The following CNTNAP2 variants were observed in gnomAD, a reference collection of about 807,000 sequenced individuals.
The protein encoded by CNTNAP2 is contactin-associated protein-like 2.
Under a neutral mutation model 155.2 loss-of-function variants are expected in CNTNAP2, and 98 were observed. The ratio of observed to expected loss-of-function variants is 0.63; its 90% CI spans 0.54 to 0.75. The LOEUF (loss-of-function observed/expected upper bound fraction) is 0.75, where lower values mean the gene tolerates loss of function less well. Among genes scored for constraint, CNTNAP2 ranks in the 30% least tolerant of loss-of-function variants. The pLI, the probability that CNTNAP2 is intolerant of heterozygous loss-of-function variation, is 0.00. For missense variants in CNTNAP2, 1,727 were observed against 1,688.1 expected (o/e 1.02, Z -0.40); for synonymous variants, 651 against 631.2 (o/e 1.03, Z -0.47).
intron 1 of CNTNAP2, among the ~76,000 whole-genome samples, chr7:146,361,262 A>T (rs982906752): frequency 2.0e-5 from 3 of 152,092 alleles, no homozygotes; most frequent in Admixed American, 6.6e-5. Flanking sequence ...TCTTCTCAGG[A>T]TGCAAAATTT....
intron 13 of CNTNAP2, among the ~76,000 whole-genome samples, chr7:147,839,403 G>A (rs530610958): frequency 1.3e-5 from 2 of 152,220 alleles, no homozygotes; most frequent in Admixed American, 6.5e-5. Flanking sequence ...AGAAAAAGAA[G>A]ATAACAAGAA....
intron 13 of CNTNAP2, among the ~76,000 whole-genome samples, chr7:147,839,955 C>CAT (rs1554440779): frequency 1.3e-5 from 2 of 150,780 alleles, no homozygotes; most frequent in African/African-American, 2.4e-5. Flanking sequence ...CACACACACA[C>CAT]ATATATATAC....
chr7:147,856,474 C>T (rs982719004), intron 13 of CNTNAP2, among the ~76,000 whole-genome samples: 5 of 152,132 alleles, frequency 3.3e-5, no homozygotes, highest in South Asian at 4.1e-4. Context: ...AACTTGCACA[C>T]GAATCCTCCT....
intron 16 of CNTNAP2, among the ~76,000 whole-genome samples, chr7:148,125,176 C>T (rs1458466117): frequency 6.6e-6 from 1 of 151,902 alleles, no homozygotes; most frequent in African/African-American, 2.4e-5. Context: ...TGGCCCCATC[C>T]CAGAGGCACA....
At chr7:148,282,863 A>G (rs1796997363) in intron 21 of CNTNAP2, among the ~76,000 whole-genome samples, 1 of 152,186 alleles carries the variant, frequency 6.6e-6, no homozygotes. Context: ...TTCTGTCCCA[A>G]ATCTTCAACT....
At chr7:146,627,878 A>G (rs1158736815) in intron 1 of CNTNAP2, among the ~76,000 whole-genome samples, 1 of 152,118 alleles carries the variant, frequency 6.6e-6, no homozygotes, top group Non-Finnish European at 1.5e-5. Context: ...CTTCTTTTAT[A>G]TAACTCAGTT....
At chr7:147,733,565 G>T (rs1393723260) in intron 13 of CNTNAP2, among the ~76,000 whole-genome samples, 5 of 152,170 alleles carry the variant, frequency 3.3e-5, no homozygotes, top group African/African-American at 4.8e-5. Context: ...GAAAGTCATT[G>T]GTTGCTTGAT....
At chr7:146,590,761 T>G (rs533790042) in intron 1 of CNTNAP2, among the ~76,000 whole-genome samples, 1 of 152,154 alleles carries the variant, frequency 6.6e-6, no homozygotes, top group African/African-American at 2.4e-5. Flanking sequence ...GGTTTCCCCA[T>G]GCAATCACGC....
intron 9 of CNTNAP2, among the ~76,000 whole-genome samples, chr7:147,373,993 T>C (rs529522430): frequency 1.3e-5 from 2 of 152,158 alleles, no homozygotes; most frequent in South Asian, 2.1e-4. Flanking sequence ...CAAATCCCTT[T>C]GTTTTATGTG....
intron 18 of CNTNAP2, among the ~76,000 whole-genome samples, chr7:148,209,960 C>A (rs754249167): frequency 6.6e-6 from 1 of 152,172 alleles, no homozygotes; most frequent in Admixed American, 6.5e-5. Context: ...ACTTTCCCTA[C>A]CCCCGTTACC....
intron 8 of CNTNAP2, among the ~76,000 whole-genome samples, chr7:147,189,446 GT>G (rs1187442178): frequency 1.3e-5 from 2 of 152,076 alleles, no homozygotes; most frequent in East Asian, 1.9e-4. Context: ...TACAGATAGG[GT>G]AATACTCTGT....
At chr7:147,326,200 A>AG (rs1440959410) in intron 9 of CNTNAP2, among the ~76,000 whole-genome samples, 3 of 152,222 alleles carry the variant, frequency 2.0e-5, no homozygotes, top group African/African-American at 7.2e-5. Context: ...CTGGGATTAC[A>AG]GGCGTTAGCC....
intron 1 of CNTNAP2, among the ~76,000 whole-genome samples, chr7:146,147,140 T>C (rs1797969166): frequency 1.3e-5 from 2 of 152,186 alleles, no homozygotes; most frequent in African/African-American, 4.8e-5. Flanking sequence ...TTGCCAGGAA[T>C]TCTTCTTTGC....
chr7:147,493,186 A>C (rs1415482993), intron 11 of CNTNAP2, among the ~76,000 whole-genome samples: 8 of 152,206 alleles, frequency 5.3e-5, no homozygotes, highest in Admixed American at 5.2e-4. Flanking sequence ...AGACCATAGG[A>C]TATCTCAGTA....
intron 1 of CNTNAP2, among the ~76,000 whole-genome samples, chr7:146,478,456 T>C (rs903384555): frequency 1.3e-5 from 2 of 152,082 alleles, no homozygotes. Context: ...GCGGGGCCTC[T>C]TTGATTTGGT....
chr7:147,934,227 C>T (rs1800563384), intron 14 of CNTNAP2, among the ~76,000 whole-genome samples: 1 of 152,092 alleles, frequency 6.6e-6, no homozygotes, highest in South Asian at 2.1e-4. Context: ...CTTTTTCACA[C>T]TGCTGATAAA....
At chr7:146,221,173 T>C (rs905502792) in intron 1 of CNTNAP2, among the ~76,000 whole-genome samples, 59 of 152,310 alleles carry the variant, frequency 3.9e-4, no homozygotes, top group African/African-American at 1.4e-3. Flanking sequence ...ATTGTCACTT[T>C]TGTAACTTTT....
intron 8 of CNTNAP2, among the ~76,000 whole-genome samples, chr7:147,238,116 G>A (rs999320489): frequency 6.0e-4 from 91 of 152,298 alleles, no homozygotes; most frequent in African/African-American, 2.0e-3. Context: ...CCGGGTTCAC[G>A]CCATTCTCCT....
At chr7:147,660,008 G>A (rs73166205) in intron 13 of CNTNAP2, among the ~76,000 whole-genome samples, 1 of 152,268 alleles carries the variant, frequency 6.6e-6, no homozygotes, top group Non-Finnish European at 1.5e-5. Context: ...AATGCAAACT[G>A]ATACTTAATT....
Sources: allele counts gnomAD v4.1 joint callset (sites outside exome capture counted in the v4.1 genomes callset), GRCh38; gene constraint gnomAD v4.1.1; transcripts MANE v1.5; gene names NCBI Gene and HGNC (gene_info 2026-07-23, HGNC 2026-07-21).